Variants in CEP128 observed in about 807,000 individuals in gnomAD.
The protein encoded by CEP128 is centrosomal protein 128kDa.
A neutral mutation model predicts 156.7 loss-of-function variants in CEP128; 132 were observed. The ratio of observed to expected loss-of-function variants is 0.84; its 90% CI spans 0.73 to 0.97. The LOEUF (loss-of-function observed/expected upper bound fraction) is 0.97, where lower values mean the gene tolerates loss of function less well. CEP128 is among the 50% of genes least tolerant of loss of function. CEP128 has a pLI of 0.00. For missense variants in CEP128, 1,252 were observed against 1,281.9 expected, an observed-to-expected ratio of 0.98 and a Z score of 0.36; for synonymous variants, 469 against 448.9, an observed-to-expected ratio of 1.04 and a Z score of -0.57.
At chr14:80,778,408 G>A (rs1471789956) in intron 15 of CEP128, among the ~76,000 whole-genome samples, 1 of 152,166 alleles carries the variant, frequency 6.6e-6, no homozygotes. Flanking sequence ...CTGCTAAGAG[G>A]GGAAGGAGTT....
At chr14:80,678,121 C>G (rs1025646509) in intron 19 of CEP128, among the ~76,000 whole-genome samples, 2 of 148,384 alleles carry the variant, frequency 1.3e-5, no homozygotes, top group Admixed American at 6.7e-5. Context: ...GGAAGAACTG[C>G]CCATCTGTTA....
chr14:80,660,801 A>G (rs1302036308), intron 19 of CEP128, among the ~76,000 whole-genome samples: 1 of 152,204 alleles, frequency 6.6e-6, no homozygotes, highest in Non-Finnish European at 1.5e-5. Flanking sequence ...TGATTTGGCT[A>G]TCTTAGCCAT....
intron 23 of CEP128, among the ~76,000 whole-genome samples, chr14:80,512,171 T>C (rs916123413): frequency 6.6e-6 from 1 of 152,070 alleles, no homozygotes; most frequent in African/African-American, 2.4e-5. Context: ...AAGTGGGCTG[T>C]TGAAGTCTTC....
chr14:80,559,886 A>T lies in CEP128; in HGVS notation c.2857-584T>A, dbSNP rs563422968. Among the ~76,000 whole-genome samples the T allele has an allele frequency of 1.9e-3, 284 of 152,342 alleles. 3 individuals carry two copies. The highest frequency in any genetic ancestry group is 7.8e-4 in the Non-Finnish European group (53 of 68,026). ...TACAGCATCTTAGAATGTTTATAGA[A>T]GGACTGGCTTTAAAAGGGGTCATTG... On this transcript the variant is annotated intron_variant, in intron 20 of 24. Transcript: ENST00000555265.
chr14:80,955,537 T>C, intron 2 of CEP128: 1 of 963,656 alleles, frequency 1.0e-6, no homozygotes, highest in Non-Finnish European at 1.7e-6. Flanking sequence ...TCCTCCACAG[T>C]GGTGAGGTCA....
At chr14:80,838,330 C>T (rs1385871915) in intron 10 of CEP128, 52 bp from the exon 11 acceptor site, 3 of 1,314,312 alleles carry the variant, frequency 2.3e-6, no homozygotes, top group Non-Finnish European at 3.3e-6. Flanking sequence ...CAGAAGATAA[C>T]TAAATTATTA....
chr14:80,708,407 G>C (rs1300062541), intron 19 of CEP128, among the ~76,000 whole-genome samples: 1 of 151,994 alleles, frequency 6.6e-6, no homozygotes, highest in African/African-American at 2.4e-5. Flanking sequence ...TTAATAAGTT[G>C]TTTATATATT....
chr14:80,633,265 A>G (rs1445674504), intron 19 of CEP128, among the ~76,000 whole-genome samples: 2 of 152,128 alleles, frequency 1.3e-5, no homozygotes, highest in African/African-American at 4.8e-5. Context: ...AAAACAAAAC[A>G]AACTAGCTTC....
At chr14:80,919,242 G>A (rs1187327850) in intron 2 of CEP128, among the ~76,000 whole-genome samples, 1 of 151,998 alleles carries the variant, frequency 6.6e-6, no homozygotes, top group Non-Finnish European at 1.5e-5. Flanking sequence ...AGATATAAAT[G>A]GCATGTCAGA....
At chr14:80,483,701 T>C (rs1346957072) in intron 14 of CEP128, among the ~76,000 whole-genome samples, 7 of 152,222 alleles carry the variant, frequency 4.6e-5, no homozygotes, top group Non-Finnish European at 1.0e-4. Context: ...TGAACACTTA[T>C]TGTATGTCAG....
At chr14:80,844,419 T>G (rs1325622640) in intron 9 of CEP128, among the ~76,000 whole-genome samples, 1 of 151,976 alleles carries the variant, frequency 6.6e-6, no homozygotes, top group Non-Finnish European at 1.5e-5. Flanking sequence ...TTGATAAAAG[T>G]CCAAAAGGAA....
chr14:80,744,752 C>T (rs1265777876), intron 18 of CEP128, among the ~76,000 whole-genome samples: 1 of 152,084 alleles, frequency 6.6e-6, no homozygotes. Context: ...GATTTTTCAG[C>T]CTTGCAGCTC....
chr14:80,694,672 T>C (rs1430032913), intron 19 of CEP128, among the ~76,000 whole-genome samples: 1 of 151,600 alleles, frequency 6.6e-6, no homozygotes, highest in Admixed American at 6.6e-5. Flanking sequence ...CACTGCATGT[T>C]CTCACTCATA....
At chr14:80,755,120 G>A (rs987920404) in intron 18 of CEP128, among the ~76,000 whole-genome samples, 1 of 152,112 alleles carries the variant, frequency 6.6e-6, no homozygotes, top group Non-Finnish European at 1.5e-5. Flanking sequence ...TGAAATATAA[G>A]GAGGCAGAAA....
chr14:80,945,123 G>A (rs1209462173), upstream of CEP128, among the ~76,000 whole-genome samples: 5 of 152,222 alleles, frequency 3.3e-5, no homozygotes, highest in Admixed American at 2.0e-4. Flanking sequence ...CTGCAAGTCC[G>A]AGATCAATGT....
rs1305947975 is a variant in CEP128 at position 80,562,644 on chromosome 14, G to GCTTTT, written c.2857-3347_2857-3343dup. Among the ~76,000 whole-genome samples the GCTTTT allele has an allele frequency of 7.2e-3, 1,014 of 141,274 alleles. 44 individuals carry two copies. The highest frequency in any genetic ancestry group is 0.015 in the Middle Eastern group (4 of 268). 92.7% of individuals were successfully genotyped at this position (141,274 alleles called of 152,430 possible). On this transcript the variant is annotated intron_variant, in intron 20 of 24. Coordinates refer to ENST00000555265, the MANE Select transcript of CEP128 (RefSeq NM_152446.5). ...TGGAAAATAAGCCAACAACAGTGTA[G>GCTTTT]CTTTTCTTTTCTTTTTTTTTTTTTT...
At chr14:80,782,458 T>C (rs904493191) in intron 15 of CEP128, among the ~76,000 whole-genome samples, 1 of 152,218 alleles carries the variant, frequency 6.6e-6, no homozygotes, top group African/African-American at 2.4e-5. Flanking sequence ...GGAAGTACTT[T>C]ACACGCTCCT....
At chr14:80,893,032 C>A (rs1889176956) in intron 8 of CEP128, among the ~76,000 whole-genome samples, 1 of 151,960 alleles carries the variant, frequency 6.6e-6, no homozygotes, top group Admixed American at 6.6e-5. Context: ...TTCCTATGTT[C>A]ATTGCATCAT....
chr14:80,734,517 G>A (rs1186662919), intron 19 of CEP128, among the ~76,000 whole-genome samples: 1 of 151,890 alleles, frequency 6.6e-6, no homozygotes, highest in African/African-American at 2.4e-5. Flanking sequence ...ACAGTGTCTG[G>A]CACATAGCAA....
Sources: gnomAD v4.1 joint callset for allele counts (sites outside exome capture counted in the v4.1 genomes callset) on GRCh38, gnomAD v4.1.1 for gene constraint, MANE v1.5 for transcripts, NCBI Gene and HGNC (gene_info 2026-07-23, HGNC 2026-07-21) for gene names.